PDE8B: variants seen among roughly 807,000 people sequenced by gnomAD.
PDE8B encodes the protein phosphodiesterase 8B, also known as high affinity cAMP-specific and IBMX-insensitive 3',5'-cyclic phosphodiesterase 8B.
PDE8B carries 26 observed loss-of-function variants against 101.3 expected under a neutral mutation model. The observed-to-expected ratio is 0.26, with a 90% CI of 0.19 to 0.36. The LOEUF (loss-of-function observed/expected upper bound fraction) is 0.36, where lower values mean the gene tolerates loss of function less well. Ranked by LOEUF, PDE8B falls within the 10% of genes least tolerant of loss-of-function variation. The pLI, the probability that PDE8B is intolerant of heterozygous loss-of-function variation, is 1.00. For synonymous variants in PDE8B, 424 were observed against 429.3 expected (o/e 0.99, Z 0.15); for missense variants, 810 against 1,163.1 (o/e 0.70, Z 4.42).
the PDE8B span, among the ~76,000 whole-genome samples, chr5:77,137,509 A>G: frequency 2.6e-4 from 39 of 152,348 alleles, 1 homozygote; most frequent in Middle Eastern, 0.014. Flanking sequence ...GACGCAGTTT[A>G]TTTGAACTCC....
At chr5:77,147,880 T>C in the PDE8B span, 1 of 152,180 alleles carries the variant, frequency 6.6e-6, no homozygotes, top group Non-Finnish European at 1.5e-5. Flanking sequence ...AGAAAAAGGC[T>C]ATTGTCTCAT....
chr5:77,098,846 A>T, the PDE8B span: 1 of 152,102 alleles, frequency 6.6e-6, no homozygotes, highest in African/African-American at 2.4e-5. Flanking sequence ...AAAGAGAGAG[A>T]GTGAGAAAGA....
chr5:77,271,491 T>G (rs138916737), intron 1 of PDE8B, among the ~76,000 whole-genome samples: 1 of 152,314 alleles, frequency 6.6e-6, no homozygotes, highest in African/African-American at 2.4e-5. Context: ...AAATTTCAGG[T>G]TGAACTGTGG....
chr5:77,102,728 G>T, the PDE8B span, among the ~76,000 whole-genome samples: 3 of 152,286 alleles, frequency 2.0e-5, no homozygotes, highest in Admixed American at 2.0e-4. Flanking sequence ...AAACAATCTG[G>T]TCTGGAGAGT....
intron 5 of PDE8B, among the ~76,000 whole-genome samples, chr5:77,336,587 C>A (rs1184822269): frequency 6.6e-6 from 1 of 151,998 alleles, no homozygotes; most frequent in Non-Finnish European, 1.5e-5. Context: ...AAGTAATAAT[C>A]CATTGTATGT....
chr5:77,274,913 A>G (rs1763541324), intron 1 of PDE8B, among the ~76,000 whole-genome samples: 1 of 152,204 alleles, frequency 6.6e-6, no homozygotes, highest in Non-Finnish European at 1.5e-5. Context: ...AAAAAGAGAA[A>G]GAGAAAGAGA....
the PDE8B span, among the ~76,000 whole-genome samples, chr5:77,109,088 G>A: frequency 2.6e-5 from 4 of 152,144 alleles, no homozygotes; most frequent in Non-Finnish European, 4.4e-5. Flanking sequence ...TTGTTCTGAG[G>A]CAAAGGCACA....
chr5:77,379,585 A>G (rs1787049286), intron 10 of PDE8B, among the ~76,000 whole-genome samples: 1 of 152,104 alleles, frequency 6.6e-6, no homozygotes, highest in Non-Finnish European at 1.5e-5. Context: ...AATACATGAA[A>G]ACAAATGGCA....
At chr5:77,241,085 GAA>G (rs1010183642) in intron 1 of PDE8B, among the ~76,000 whole-genome samples, 5 of 152,176 alleles carry the variant, frequency 3.3e-5, no homozygotes, top group African/African-American at 4.8e-5. Flanking sequence ...GCAGCCAAAT[GAA>G]AAGAGTTCTT....
intron 5 of PDE8B, among the ~76,000 whole-genome samples, chr5:77,334,804 C>T (rs1041040912): frequency 1.3e-5 from 2 of 152,188 alleles, no homozygotes; most frequent in Non-Finnish European, 2.9e-5. Context: ...TTAGATTTCC[C>T]AAGCTAGTGT....
chr5:77,383,832 T>G (rs1349886490), intron 10 of PDE8B, among the ~76,000 whole-genome samples: 1 of 152,212 alleles, frequency 6.6e-6, no homozygotes, highest in East Asian at 1.9e-4. Flanking sequence ...TCTGTTCCAT[T>G]GGTCTATATA....
chr5:77,220,789 A>G (rs139750240), intron 1 of PDE8B, among the ~76,000 whole-genome samples: 77 of 152,104 alleles, frequency 5.1e-4, no homozygotes, highest in African/African-American at 1.8e-3. Flanking sequence ...GATGAGGGAG[A>G]ATTCGTGAAG....
chr5:77,411,746 T>C lies in PDE8B; in HGVS notation c.1576+25T>C, dbSNP rs748565833. Reference sequence around the variant, plus strand: ...AGTAAGTTTTCATCTATTTACTTGTTAGTGTAACCTGTCTCCAGCCTGTGC... The same window carrying C: ...AGTAAGTTTTCATCTATTTACTTGTCAGTGTAACCTGTCTCCAGCCTGTGC... On this transcript the variant is annotated intron_variant, in intron 15 of 21. Coordinates refer to ENST00000264917, the MANE Select transcript of PDE8B (RefSeq NM_003719.5). The C allele has an allele frequency of 3.2e-6, 5 of 1,547,474 alleles. No homozygotes were observed. In the South Asian group the frequency reaches 3.3e-5, roughly 10 times the overall value.
chr5:77,366,240 A>T (rs992981385), intron 10 of PDE8B, among the ~76,000 whole-genome samples: 72 of 152,022 alleles, frequency 4.7e-4, no homozygotes, highest in African/African-American at 8.9e-4. Context: ...GGTTTTTTTT[A>T]AAAAAAATCT....
the PDE8B span, among the ~76,000 whole-genome samples, chr5:77,151,611 A>T: frequency 9.2e-5 from 14 of 152,316 alleles, no homozygotes; most frequent in African/African-American, 3.1e-4. Context: ...TAAATCTACA[A>T]TATGCTTTAT....
chr5:77,164,965 T>G, the PDE8B span, among the ~76,000 whole-genome samples: 1 of 152,164 alleles, frequency 6.6e-6, no homozygotes, highest in Non-Finnish European at 1.5e-5. Flanking sequence ...CAGGTCAAAA[T>G]AGTGGTATAC....
chr5:77,179,839 G>C, the PDE8B span, among the ~76,000 whole-genome samples: 1 of 152,120 alleles, frequency 6.6e-6, no homozygotes, highest in Admixed American at 6.5e-5. Flanking sequence ...AGGATTACAG[G>C]CCTGAGCCAC....
the PDE8B span, chr5:77,146,993 G>A: frequency 4.3e-6 from 2 of 470,152 alleles, no homozygotes; most frequent in Non-Finnish European, 8.4e-6. Flanking sequence ...CAGATGATAA[G>A]CAGCCTTATG....
intron 10 of PDE8B, among the ~76,000 whole-genome samples, chr5:77,385,107 C>G (rs1022523057): frequency 4.6e-5 from 7 of 152,128 alleles, no homozygotes; most frequent in Non-Finnish European, 1.0e-4. Context: ...TGATCCTGGA[C>G]TTCTTTTGGT....
Sources: allele counts gnomAD v4.1 joint callset (sites outside exome capture counted in the v4.1 genomes callset), GRCh38; gene constraint gnomAD v4.1.1; transcripts MANE v1.5; gene names NCBI Gene and HGNC (gene_info 2026-07-23, HGNC 2026-07-21).